PDZD2: variants seen among roughly 807,000 people sequenced by gnomAD.
PDZD2 encodes PDZ domain-containing protein 2.
In PDZD2, 90 loss-of-function variants were observed where a neutral mutation model predicts 220.7. The observed-to-expected ratio is 0.41, with a 90% CI of 0.34 to 0.49. The LOEUF (loss-of-function observed/expected upper bound fraction) is 0.49, where lower values mean the gene tolerates loss of function less well. Among genes scored for constraint, PDZD2 ranks in the 20% least tolerant of loss-of-function variants. PDZD2 has a pLI of 0.28. For missense variants in PDZD2, 3,174 were observed against 3,608.5 expected (o/e 0.88, Z 3.08); for synonymous variants, 1,375 against 1,450.5 (o/e 0.95, Z 1.18).
chr5:32,009,173 G>A (rs966480538), intron 5 of PDZD2, among the ~76,000 whole-genome samples: 25 of 150,256 alleles, frequency 1.7e-4, no homozygotes, highest in African/African-American at 4.9e-4. Flanking sequence ...TGAAAACCCC[G>A]TCTCTACTGA....
intron 6 of PDZD2, among the ~76,000 whole-genome samples, chr5:32,021,435 T>A (rs1754195359): frequency 6.6e-6 from 1 of 152,134 alleles, no homozygotes; most frequent in African/African-American, 2.4e-5. Context: ...TAGCTGGGAT[T>A]ACAGGCACCT....
In PDZD2 at chr5:32,089,478, C is replaced by A; in HGVS notation, c.6030C>A (p.Asp2010Glu). 5 of 1,613,618 alleles carry A rather than the reference C, an allele frequency of 3.1e-6. No individual in the cohort carries two copies. Among genetic ancestry groups the A allele is most frequent in the Non-Finnish European group, 4.2e-6 (5 of 1,180,022 alleles). Residue 2010 changes from aspartate to glutamate, a missense_variant, in exon 20 of 25, where the codon GAC (aspartate) becomes GAA (glutamate). Physicochemically the swap from Asp to Glu is conservative, Grantham distance 45 (BLOSUM62 2). Coordinates refer to ENST00000438447, the MANE Select transcript of PDZD2 (RefSeq NM_178140.4). ...ACATGGCTGTCCTCTCTGAACCCGA[C>A]AGAGGTTGCCCAACCACCCCTAAAT... ...RFHMAVLSEP[D>E]RGCPTTPKSP... is the part of the protein sequence containing the mutation.
At chr5:31,752,543 T>A (rs1246905528) in intron 1 of PDZD2, among the ~76,000 whole-genome samples, 1 of 151,896 alleles carries the variant, frequency 6.6e-6, no homozygotes, top group Admixed American at 6.6e-5. Context: ...AGGGTCACTC[T>A]GTCTCAAAAA....
intron 1 of PDZD2, among the ~76,000 whole-genome samples, chr5:31,771,435 G>C (rs763480149): frequency 1.3e-5 from 2 of 152,174 alleles, no homozygotes; most frequent in Non-Finnish European, 2.9e-5. Flanking sequence ...TGTTTTCGAA[G>C]TTTTCAGGGC....
At chr5:31,684,683 A>G (rs146520638) in intron 1 of PDZD2, among the ~76,000 whole-genome samples, 1 of 152,162 alleles carries the variant, frequency 6.6e-6, no homozygotes, top group East Asian at 1.9e-4. Flanking sequence ...CAAGGTTTAT[A>G]TAATCTAGCC....
At chr5:32,003,230 A>C (rs1476790000) in intron 5 of PDZD2, among the ~76,000 whole-genome samples, 1 of 1,240 alleles carries the variant, frequency 8.1e-4, no homozygotes. Context: ...ACACACCAAC[A>C]TATACCTTCA....
In PDZD2 at chr5:31,656,157, T is replaced by A. The variant is rs111823837; in HGVS notation, c.-361+16720T>A. ...AGAGAGGGGGTTTGAATCTGGCTAATTATAAACTTCATTTGCTCAAATGGG... is the reference window on the plus strand; with the variant it reads ...AGAGAGGGGGTTTGAATCTGGCTAAATATAAACTTCATTTGCTCAAATGGG... On this transcript the variant is annotated intron_variant, in intron 1 of 24. Transcript: ENST00000438447. Among the ~76,000 whole-genome samples the A allele has an allele frequency of 3.7e-3, 561 of 152,316 alleles. 4 individuals carry two copies. The highest frequency in any genetic ancestry group is 0.013 in the African/African-American group (529 of 41,560).
chr5:31,985,723 T>C (rs1750659453), intron 3 of PDZD2, among the ~76,000 whole-genome samples: 1 of 151,924 alleles, frequency 6.6e-6, no homozygotes, highest in South Asian at 2.1e-4. Flanking sequence ...TTTTAAGAGA[T>C]TACTCATCCT....
intron 24 of PDZD2, among the ~76,000 whole-genome samples, chr5:32,103,010 G>A (rs1056229554): frequency 6.6e-6 from 1 of 152,022 alleles, no homozygotes; most frequent in Non-Finnish European, 1.5e-5. Flanking sequence ...TCCATGTGAA[G>A]ATAGATAGAA....
intron 21 of PDZD2, among the ~76,000 whole-genome samples, chr5:32,095,783 C>T (rs1243790938): frequency 6.6e-6 from 1 of 150,874 alleles, no homozygotes; most frequent in Non-Finnish European, 1.5e-5. Context: ...CTCTGTTGCC[C>T]AGGCTGGAGT....
At chr5:31,665,889 G>T (rs1217969284) in intron 1 of PDZD2, among the ~76,000 whole-genome samples, 1 of 152,200 alleles carries the variant, frequency 6.6e-6, no homozygotes, top group Non-Finnish European at 1.5e-5. Flanking sequence ...ATAAACTTCA[G>T]CCTCTAGAGA....
At chr5:31,916,495 C>G (rs1403964891) in intron 2 of PDZD2, among the ~76,000 whole-genome samples, 1 of 152,252 alleles carries the variant, frequency 6.6e-6, no homozygotes, top group African/African-American at 2.4e-5. Context: ...GGAGCGCTGG[C>G]TGTCCCAGCC....
intron 10 of PDZD2, among the ~76,000 whole-genome samples, chr5:32,057,387 C>T (rs897520497): frequency 6.6e-6 from 1 of 152,184 alleles, no homozygotes; most frequent in South Asian, 2.1e-4. Flanking sequence ...TGTTGTCAAA[C>T]TTGGCAATGG....
At position 32,098,319 on chromosome 5, in the gene PDZD2, G is replaced by A. The variant is rs138878471; in HGVS notation, c.7948-45G>A. The A allele has an allele frequency of 1.5e-3, 2,354 of 1,589,232 alleles. 42 individuals carry two copies. In the African/African-American group the frequency reaches 0.028, roughly 19 times the overall value. On this transcript the variant is annotated intron_variant, in intron 22 of 24. Transcript: ENST00000438447. This position sits in a 1 kb window ranked among gnomAD's most constrained non-coding sequence, Gnocchi z 4.1. ...TACTATCTCCCTTTTACCGGAAATCGTAAGTGGATCTGGTTTTTGTTCCCT... is the reference window on the plus strand; with the variant it reads ...TACTATCTCCCTTTTACCGGAAATCATAAGTGGATCTGGTTTTTGTTCCCT...
intron 2 of PDZD2, among the ~76,000 whole-genome samples, chr5:31,957,891 T>C (rs899912464): frequency 1.7e-4 from 26 of 152,218 alleles, no homozygotes; most frequent in African/African-American, 6.0e-4. Flanking sequence ...GTAAAGGCTA[T>C]TCATCCTTGC....
chr5:31,877,016 T>C (rs552830290), intron 2 of PDZD2, among the ~76,000 whole-genome samples: 2 of 152,334 alleles, frequency 1.3e-5, no homozygotes, highest in South Asian at 2.1e-4. Context: ...TATTAAAATA[T>C]CTACTCATGG....
In PDZD2 at chr5:31,642,017, G is replaced by C. The variant is rs1327259182; in HGVS notation, c.-361+2580G>C. Among the ~76,000 whole-genome samples, 35 of 152,094 alleles carry C rather than the reference G, an allele frequency of 2.3e-4. 1 individual carries two copies. The highest frequency in any genetic ancestry group is 2.2e-3 in the Admixed American group (34 of 15,268). On this transcript the variant is annotated intron_variant, in intron 1 of 24. Coordinates refer to ENST00000438447, the MANE Select transcript of PDZD2 (RefSeq NM_178140.4). ...GGAAACCCTCTCCCAGAGGCTCCAG[G>C]CCTGGTGAGCTGAACAAGATAACAC... is the stretch of plus-strand genomic sequence containing the variant.
intron 2 of PDZD2, among the ~76,000 whole-genome samples, chr5:31,851,896 G>A (rs1156881453): frequency 6.6e-6 from 1 of 151,650 alleles, no homozygotes; most frequent in African/African-American, 2.4e-5. Context: ...TTGCTCTCTT[G>A]CCCAGGCTGA....
At chr5:31,732,782 G>A (rs1580645582) in intron 1 of PDZD2, among the ~76,000 whole-genome samples, 1 of 152,150 alleles carries the variant, frequency 6.6e-6, no homozygotes, top group African/African-American at 2.4e-5. Context: ...AGACTGGAGT[G>A]GAGTGGTATG....
Sources: gnomAD v4.1 joint callset for allele counts (sites outside exome capture counted in the v4.1 genomes callset) on GRCh38, gnomAD v4.1.1 for gene constraint, Gnocchi (gnomAD v3.1) non-coding constraint, MANE v1.5 for transcripts, NCBI Gene and HGNC (gene_info 2026-07-23, HGNC 2026-07-21) for gene names.